The following XKRX variants were observed in gnomAD, a reference collection of about 807,000 sequenced individuals.
XKRX encodes the protein XK related X-linked.
Under a neutral mutation model 22.4 loss-of-function variants are expected in XKRX, and 11 were observed. The observed-to-expected ratio is 0.49, with a 90% confidence interval of 0.31 to 0.81. The LOEUF is 0.81. Ranked by LOEUF, XKRX falls within the 40% of genes least tolerant of loss-of-function variation. The pLI is 0.05. For synonymous variants in XKRX, 114 were observed against 132.2 expected, an observed-to-expected ratio of 0.86 and a Z score of 0.94; for missense variants, 320 against 336.5, an observed-to-expected ratio of 0.95 and a Z score of 0.38.
In XKRX at chrX:100,914,197, G is replaced by T; in HGVS notation, c.*141C>A. 1.4e-6 allele frequency: 1 copy of T among 706,939 alleles called. No individual in the cohort carries two copies. Among genetic ancestry groups the T allele is most frequent in the Non-Finnish European group, 2.1e-6 (1 of 474,951 alleles). 58.3% of individuals were successfully genotyped at this position (706,939 alleles called of 1,213,427 possible). ...AGAAAATAAAACCTATTTGGGAGTT[G>T]CTCTTTCTTCTGATAGGCTTAACAG... On this transcript the variant is annotated 3_prime_UTR_variant, in exon 3 of 3. Transcript: ENST00000372956.
the XKRX span, among the ~76,000 whole-genome samples, chrX:100,936,455 C>T: frequency 1.1e-5 from 1 of 91,445 alleles, no homozygotes; most frequent in African/African-American, 4.2e-5. Context: ...GCAGGAGAAT[C>T]GATTGAACCC....
At position 100,918,875 on chromosome X, in the gene XKRX, A is replaced by T. The variant is rs1193306980; in HGVS notation, c.605-3792T>A. 3.7e-5 allele frequency among the ~76,000 whole-genome samples: 4 copies of T among 109,167 alleles called. No homozygotes were observed. The East Asian group carries it at 1.1e-3, about 31-fold the overall frequency. 94.8% of individuals were successfully genotyped at this position (109,167 alleles called of 115,157 possible). ...CATCTTCATCATCCCCCTATTTCCAAAAGTATGGTAGGTGGGTTTACTTTA... is the reference window on the plus strand; with the variant it reads ...CATCTTCATCATCCCCCTATTTCCATAAGTATGGTAGGTGGGTTTACTTTA... On this transcript the variant is annotated intron_variant, in intron 2 of 2. Coordinates refer to ENST00000372956, the MANE Select transcript of XKRX (RefSeq NM_212559.3).
chrX:100,935,038 G>A, the XKRX span, among the ~76,000 whole-genome samples: 1 of 111,699 alleles, frequency 9.0e-6, no homozygotes, highest in East Asian at 2.8e-4. Flanking sequence ...AACACCAGCT[G>A]GTTACGTTCA....
downstream of XKRX, among the ~76,000 whole-genome samples, chrX:100,910,389 C>T (rs2085402860): frequency 9.1e-6 from 1 of 110,005 alleles, no homozygotes; most frequent in South Asian, 4.0e-4. Context: ...AGTTCAAGAC[C>T]AGCCTGACCA....
chrX:100,890,951 C>T, the XKRX span, among the ~76,000 whole-genome samples: 1 of 112,001 alleles, frequency 8.9e-6, no homozygotes, highest in African/African-American at 3.2e-5. Flanking sequence ...AAGATTTCCT[C>T]CCCTGAGGTT....
At chrX:100,926,358 T>G (rs1473985999) in intron 1 of XKRX, among the ~76,000 whole-genome samples, 1 of 111,987 alleles carries the variant, frequency 8.9e-6, no homozygotes. Flanking sequence ...TCCATTGATA[T>G]CCCATATTCT....
downstream of XKRX, among the ~76,000 whole-genome samples, chrX:100,910,305 G>A (rs111466849): frequency 8.6e-3 from 958 of 111,173 alleles, 9 homozygotes; most frequent in African/African-American, 0.029. Context: ...AAGAGAGTAG[G>A]CCAGGGGTGG....
the XKRX span, among the ~76,000 whole-genome samples, chrX:100,898,037 G>T: frequency 8.9e-6 from 1 of 111,768 alleles, no homozygotes; most frequent in African/African-American, 3.2e-5. Flanking sequence ...CACTAAAAAT[G>T]GTGGAGTAGA....
the XKRX span, chrX:100,888,277 T>A: frequency 4.1e-6 from 3 of 740,050 alleles, no homozygotes; most frequent in Non-Finnish European, 6.3e-6. Flanking sequence ...CAAATATCTT[T>A]TTCACAGTTA....
the XKRX span, chrX:100,888,006 C>G: frequency 9.2e-7 from 1 of 1,086,837 alleles, no homozygotes; most frequent in South Asian, 1.8e-5. Context: ...TCCAGAACCA[C>G]TTTGACCTCT....
the XKRX span, chrX:100,887,724 C>T: frequency 1.0e-4 from 71 of 710,735 alleles, no homozygotes; most frequent in Non-Finnish European, 1.4e-4. Context: ...TATTGGCCTC[C>T]GCCACCATAG....
chrX:100,906,115 G>C, the XKRX span, among the ~76,000 whole-genome samples: 1 of 111,193 alleles, frequency 9.0e-6, no homozygotes, highest in Admixed American at 9.6e-5. Context: ...GCAGTTTTAG[G>C]TTCACAGCAA....
the XKRX span, chrX:100,887,770 A>G: frequency 3.4e-3 from 2,863 of 845,288 alleles, 48 homozygotes; most frequent in African/African-American, 0.051. Context: ...TCCTCCCTTC[A>G]CGGGTCCAAA....
At chrX:100,930,617 T>C (rs72615562), upstream of XKRX, among the ~76,000 whole-genome samples, 528 of 111,407 alleles carry the variant, frequency 4.7e-3, 21 homozygotes, top group Admixed American at 0.039. Flanking sequence ...TCCTTTCTCC[T>C]TTCCATTTCA....
chrX:100,946,223 A>G, the XKRX span, among the ~76,000 whole-genome samples: 3 of 111,034 alleles, frequency 2.7e-5, no homozygotes, highest in Admixed American at 9.6e-5. Flanking sequence ...GGTGCATGGA[A>G]AGAGTAAGTA....
chrX:100,917,683 AAAGAAAGAAAGAAAG>A (rs2085449498), intron 2 of XKRX, among the ~76,000 whole-genome samples: 2 of 88,238 alleles, frequency 2.3e-5, no homozygotes, highest in African/African-American at 9.6e-5. Context: ...GAAAAGAAAG[AAAGAAAGAAAGAAAG>A]AAAGAAAGAA....
At chrX:100,910,853 C>CTAA, downstream of XKRX, 1 of 759,582 alleles carries the variant, frequency 1.3e-6, no homozygotes, top group Non-Finnish European at 2.0e-6. Flanking sequence ...GAAGGCTAAG[C>CTAA]TTTACCATAA....
chrX:100,908,924 A>G (rs1001866706), downstream of XKRX, among the ~76,000 whole-genome samples: 1 of 108,925 alleles, frequency 9.2e-6, no homozygotes, highest in Non-Finnish European at 1.9e-5. Context: ...GGCTCTAGGG[A>G]GGGGCACTAT....
the XKRX span, among the ~76,000 whole-genome samples, chrX:100,936,829 A>G: frequency 1.8e-5 from 2 of 108,944 alleles, no homozygotes; most frequent in African/African-American, 6.7e-5. Flanking sequence ...TCACTATCAC[A>G]AGAACACCCC....
Sources: gnomAD v4.1 joint callset for allele counts (sites outside exome capture counted in the v4.1 genomes callset) on GRCh38, gnomAD v4.1.1 for gene constraint, MANE v1.5 for transcripts, NCBI Gene and HGNC (gene_info 2026-07-23, HGNC 2026-07-21) for gene names.